DRC8: variants seen among roughly 807,000 people sequenced by gnomAD.
The protein encoded by DRC8 is dynein regulatory complex subunit 8, also known as dynein regulatory complex protein 8.
chr1:245,109,198 A>G, the DRC8 span, among the ~76,000 whole-genome samples: 2 of 152,190 alleles, frequency 1.3e-5, no homozygotes, highest in Non-Finnish European at 2.9e-5. Flanking sequence ...GACTCTCATC[A>G]GGCAATGAGA....
chr1:245,120,997 G>GACTT, the DRC8 span, among the ~76,000 whole-genome samples: 1 of 152,222 alleles, frequency 6.6e-6, no homozygotes, highest in Admixed American at 6.5e-5. Context: ...GTCAAGCATA[G>GACTT]ACTTCTACTT....
the DRC8 span, chr1:245,002,108 T>A: frequency 6.3e-7 from 1 of 1,586,846 alleles, no homozygotes; most frequent in Non-Finnish European, 8.6e-7. Context: ...TTCATGTGTC[T>A]CCTTTATGCT....
the DRC8 span, among the ~76,000 whole-genome samples, chr1:245,054,125 C>T: frequency 6.6e-6 from 1 of 152,074 alleles, no homozygotes; most frequent in Non-Finnish European, 1.5e-5. Context: ...CCAGACACCC[C>T]TTCCCTCCCC....
chr1:245,104,878 T>A, the DRC8 span, among the ~76,000 whole-genome samples: 1 of 152,234 alleles, frequency 6.6e-6, no homozygotes, highest in Non-Finnish European at 1.5e-5. Flanking sequence ...TTTATTCCAA[T>A]CAGGATCCAA....
At chr1:245,070,971 C>T in the DRC8 span, among the ~76,000 whole-genome samples, 1 of 152,210 alleles carries the variant, frequency 6.6e-6, no homozygotes, top group East Asian at 1.9e-4. Context: ...CTGGGGGCCA[C>T]AGCATTCAAG....
the DRC8 span, among the ~76,000 whole-genome samples, chr1:245,048,628 T>C: frequency 0.33 from 50,597 of 151,902 alleles, 8,732 homozygotes; most frequent in African/African-American, 0.4. Flanking sequence ...CCTCATGATC[T>C]GCCACATTTG....
At chr1:244,995,877 G>A in the DRC8 span, among the ~76,000 whole-genome samples, 2 of 152,154 alleles carry the variant, frequency 1.3e-5, no homozygotes, top group African/African-American at 4.8e-5. Flanking sequence ...CTACGGAAGG[G>A]CCAGTACTGC....
the DRC8 span, among the ~76,000 whole-genome samples, chr1:245,073,375 A>T: frequency 6.6e-6 from 1 of 152,124 alleles, no homozygotes; most frequent in Non-Finnish European, 1.5e-5. Context: ...GCCTCAGGTG[A>T]TCTGGCCACC....
the DRC8 span, among the ~76,000 whole-genome samples, chr1:245,079,709 G>T: frequency 6.6e-6 from 1 of 152,080 alleles, no homozygotes; most frequent in Non-Finnish European, 1.5e-5. Context: ...TGGTTTGTTG[G>T]TGGTGGGAGG....
At chr1:245,086,736 G>A in the DRC8 span, 1 of 533,292 alleles carries the variant, frequency 1.9e-6, no homozygotes, top group African/African-American at 1.9e-5. Context: ...GTGACAGGTG[G>A]TGTCGTTATC....
At chr1:245,000,455 G>A in the DRC8 span, among the ~76,000 whole-genome samples, 4 of 152,140 alleles carry the variant, frequency 2.6e-5, no homozygotes, top group African/African-American at 9.7e-5. Flanking sequence ...CTGCATTTGT[G>A]TAATTTGTTT....
At chr1:245,064,945 A>G in the DRC8 span, among the ~76,000 whole-genome samples, 1 of 152,126 alleles carries the variant, frequency 6.6e-6, no homozygotes, top group Non-Finnish European at 1.5e-5. Context: ...GGCCTTTTCA[A>G]ACTAGTGACT....
At chr1:245,085,073 G>A in the DRC8 span, among the ~76,000 whole-genome samples, 1 of 152,208 alleles carries the variant, frequency 6.6e-6, no homozygotes, top group Non-Finnish European at 1.5e-5. Flanking sequence ...CTACTGTTGT[G>A]TGCCTACTAT....
chr1:245,111,521 A>G, the DRC8 span, among the ~76,000 whole-genome samples: 2 of 152,238 alleles, frequency 1.3e-5, no homozygotes, highest in African/African-American at 4.8e-5. Context: ...TCTTTGACTC[A>G]TATTTATAGA....
the DRC8 span, among the ~76,000 whole-genome samples, chr1:245,055,015 G>A: frequency 6.6e-6 from 1 of 152,134 alleles, no homozygotes; most frequent in Non-Finnish European, 1.5e-5. Context: ...GGAAATGGGT[G>A]GCATCACAGA....
chr1:244,989,991 G>T, the DRC8 span, among the ~76,000 whole-genome samples: 22 of 152,234 alleles, frequency 1.4e-4, no homozygotes, highest in Non-Finnish European at 2.4e-4. Context: ...GCTTTGTCCA[G>T]TTTATCCACA....
the DRC8 span, among the ~76,000 whole-genome samples, chr1:245,113,673 A>G: frequency 6.6e-6 from 1 of 152,202 alleles, no homozygotes; most frequent in Non-Finnish European, 1.5e-5. Context: ...TGCTGGAAAT[A>G]TATTAAAGTA....
the DRC8 span, among the ~76,000 whole-genome samples, chr1:244,976,676 C>T: frequency 1.1e-4 from 17 of 152,276 alleles, no homozygotes; most frequent in African/African-American, 3.4e-4. Flanking sequence ...CTGGAACCCT[C>T]GTGGACTGTT....
the DRC8 span, among the ~76,000 whole-genome samples, chr1:245,008,948 A>C: frequency 6.6e-6 from 1 of 151,732 alleles, no homozygotes; most frequent in Non-Finnish European, 1.5e-5. Context: ...CTGGCCTCTC[A>C]AAGTGCTAGG....
Sources: gnomAD v4.1 joint callset for allele counts (sites outside exome capture counted in the v4.1 genomes callset) on GRCh38, gnomAD v4.1.1 for gene constraint, MANE v1.5 for transcripts, NCBI Gene and HGNC (gene_info 2026-07-23, HGNC 2026-07-21) for gene names.